FGF16: variants seen among roughly 807,000 people sequenced by gnomAD.
The protein encoded by FGF16 is fibroblast growth factor 16.
FGF16 carries 2 observed loss-of-function variants against 8.5 expected under a neutral mutation model. The ratio of observed to expected loss-of-function variants is 0.24; its 90% CI spans 0.10 to 0.75. The LOEUF (loss-of-function observed/expected upper bound fraction) is 0.75, where lower values mean the gene tolerates loss of function less well. Among genes scored for constraint, FGF16 ranks in the 30% least tolerant of loss-of-function variants. The pLI, the probability that FGF16 is intolerant of heterozygous loss-of-function variation, is 0.74. For missense variants in FGF16, 79 were observed against 87.4 expected (o/e 0.90, Z 0.38); for synonymous variants, 33 against 34.6 (o/e 0.95, Z 0.16).
intron 1 of FGF16, among the ~76,000 whole-genome samples, chrX:77,448,821 G>C (rs2062548659): frequency 9.0e-6 from 1 of 111,677 alleles, no homozygotes; most frequent in Non-Finnish European, 1.9e-5. Flanking sequence ...AAATGTGTTC[G>C]CTCCTCGGTA....
intron 1 of FGF16, among the ~76,000 whole-genome samples, chrX:77,451,942 G>C (rs1470853837): frequency 8.9e-6 from 1 of 111,960 alleles, no homozygotes; most frequent in Non-Finnish European, 1.9e-5. Flanking sequence ...GGGCAGATGG[G>C]AGCAGGGTAT....
Position 77,456,547 on chromosome X carries a change from A to G in FGF16, c.*25A>G. The G allele has an allele frequency of 8.4e-7, 1 of 1,192,060 alleles. No individual in the cohort carries two copies. The highest frequency in any genetic ancestry group is 3.0e-5 in the East Asian group (1 of 33,678). On this transcript the variant is annotated 3_prime_UTR_variant, in exon 3 of 3. Transcript: ENST00000439435. Reference sequence around the variant, plus strand: ...ATGAACCTCTGGTGTGCCCTCTGTGACCCATGTACCCTGGGGCCACGGTTG... The same window carrying G: ...ATGAACCTCTGGTGTGCCCTCTGTGGCCCATGTACCCTGGGGCCACGGTTG...
chrX:77,448,124 C>G (rs2062546482), intron 1 of FGF16, among the ~76,000 whole-genome samples, 176 bp downstream of exon 1: 1 of 113,532 alleles, frequency 8.8e-6, no homozygotes, highest in South Asian at 3.5e-4. Context: ...GCCCTGCACC[C>G]TCGGACACTT....
rs782761047 is a variant in FGF16, at chrX:77,456,683, G to T, written c.*161G>T. 5 of 496,346 alleles carry T rather than the reference G, an allele frequency of 1.0e-5. No homozygotes were observed. The highest frequency in any genetic ancestry group is 2.4e-5 in the African/African-American group (1 of 41,762). The allele number at this position is 496,346 out of a possible 1,213,427, so 40.9% of individuals were successfully genotyped here. On this transcript the variant is annotated 3_prime_UTR_variant, in exon 3 of 3. Transcript: ENST00000439435. ...CCCAGCTGTTCCCTTGTTGTTCAAA[G>T]TGTATATCAAGGTTGGGTTATTTTG...
At chrX:77,454,511 C>T (rs1320696971) in intron 2 of FGF16, among the ~76,000 whole-genome samples, 3 of 104,828 alleles carry the variant, frequency 2.9e-5, no homozygotes, top group East Asian at 3.1e-4. Context: ...AAAAATTAGC[C>T]GGGCATGCTG....
chrX:77,454,371 C>A, intron 2 of FGF16, 111 bp downstream of exon 2: 2 of 444,597 alleles, frequency 4.5e-6, no homozygotes, highest in South Asian at 4.2e-5. Flanking sequence ...TATCTGGGGA[C>A]CAGGCATGGT....
intron 1 of FGF16, among the ~76,000 whole-genome samples, chrX:77,453,804 AT>A (rs1165818437): frequency 8.9e-6 from 1 of 111,959 alleles, no homozygotes; most frequent in African/African-American, 3.3e-5. Context: ...TCCTTCTTGC[AT>A]TTAGAAAACT....
At chrX:77,454,281 T>G (rs1557026895) in intron 2 of FGF16, 21 bp downstream of exon 2, 3 of 771,024 alleles carry the variant, frequency 3.9e-6, no homozygotes, top group African/African-American at 5.0e-5. Flanking sequence ...GGTTTTTTTT[T>G]TTTTTTTTTT....
chrX:77,455,755 C>T (rs1280907178), intron 2 of FGF16, among the ~76,000 whole-genome samples: 3 of 111,792 alleles, frequency 2.7e-5, no homozygotes, highest in Non-Finnish European at 5.6e-5. Context: ...CCTGAAGTAG[C>T]CAGATTGGAA....
chrX:77,447,686 G>T lies in FGF16; in HGVS notation c.12G>T (p.Val4=). The T allele has an allele frequency of 6.7e-6, 2 of 297,256 alleles. No homozygotes were observed. Among genetic ancestry groups the T allele is most frequent in the East Asian group, 4.8e-5 (1 of 21,026 alleles). The allele number at this position is 297,256 out of a possible 1,213,427, so 24.5% of individuals were successfully genotyped here. A position where few individuals can be genotyped will look rare whatever the true frequency, so the allele number is the denominator to read the frequency against. MAE[V]GGVFASLDWD... ...CAATCGGCCCAGCCATGGCAGAGGT[G>T]GGGGGCGTCTTCGCCTCCTTGGACT... The change falls in exon 1 of 3, where the codon GTG becomes GTT. Residue 4 remains valine (V), a synonymous_variant. Coordinates refer to ENST00000439435, the MANE Select transcript of FGF16 (RefSeq NM_003868.3).
At chrX:77,455,258 C>T (rs1325895448) in intron 2 of FGF16, among the ~76,000 whole-genome samples, 1 of 111,829 alleles carries the variant, frequency 8.9e-6, no homozygotes, top group Non-Finnish European at 1.9e-5. Flanking sequence ...GAATGTGTAC[C>T]CAGAGGAGTA....
chrX:77,447,454 A>T lies in FGF16; in HGVS notation c.-221A>T, dbSNP rs1208626320. 3.7e-6 allele frequency: 1 copy of T among 268,425 alleles called. No individual in the cohort carries two copies. The highest frequency in any genetic ancestry group is 6.5e-6 in the Non-Finnish European group (1 of 152,726). The allele number at this position is 268,425 out of a possible 1,213,427, so 22.1% of individuals were successfully genotyped here. On this transcript the variant is annotated 5_prime_UTR_variant, in exon 1 of 3. Coordinates refer to ENST00000439435, the MANE Select transcript of FGF16 (RefSeq NM_003868.3). ...GAGGGGAAGAGGCACTTTGACTGAG[A>T]GCAAGGTCAGGAGCACGCTGCCCCG...
Position 77,456,385 on chromosome X carries a change from G to A in FGF16, c.487G>A (p.Val163Met), listed in dbSNP as rs782731399. 5.0e-6 allele frequency: 6 copies of A among 1,210,617 alleles called. No homozygotes were observed. Among genetic ancestry groups the A allele is most frequent in the South Asian group, 1.8e-5 (1 of 56,946 alleles). ...KHSDSERQYY[V>M]ALNKDGSPRE... ...TTCGGACTCAGAGAGACAGTATTACGTGGCCCTGAACAAAGATGGCTCACC... is the reference window on the plus strand; with the variant it reads ...TTCGGACTCAGAGAGACAGTATTACATGGCCCTGAACAAAGATGGCTCACC... The change falls in exon 3 of 3, where the codon GTG (valine) becomes ATG (methionine). Residue 163 changes from valine to methionine, a missense_variant. By Grantham distance (21) the Val-to-Met change is conservative. Coordinates refer to ENST00000439435, the MANE Select transcript of FGF16 (RefSeq NM_003868.3).
intron 1 of FGF16, among the ~76,000 whole-genome samples, chrX:77,452,361 A>G (rs2062559621): frequency 8.9e-6 from 1 of 112,697 alleles, no homozygotes; most frequent in Admixed American, 9.3e-5. Flanking sequence ...GTTGCATTAA[A>G]TCAGTGTCTG....
At chrX:77,449,093 CCATGCCTTGCTAGAGCTG>C (rs1281185222) in intron 1 of FGF16, among the ~76,000 whole-genome samples, 2 of 111,660 alleles carry the variant, frequency 1.8e-5, no homozygotes, top group Non-Finnish European at 3.8e-5. Context: ...CTCCTATTCT[CCATGCCTTGCTAGAGCTG>C]CATCTGGAGT....
intron 1 of FGF16, 86 bp from the exon 2 acceptor site, chrX:77,454,071 A>C (rs2062564975): frequency 9.7e-6 from 6 of 621,133 alleles, no homozygotes; most frequent in Non-Finnish European, 1.6e-5. Flanking sequence ...CCAGTTGGGG[A>C]CAAATGACTG....
chrX:77,452,604 C>A (rs1224410407), intron 1 of FGF16, among the ~76,000 whole-genome samples: 1 of 112,591 alleles, frequency 8.9e-6, no homozygotes, highest in Non-Finnish European at 1.9e-5. Flanking sequence ...TGTGGAAGCA[C>A]ATGCCCCCAA....
At chrX:77,451,588 C>T (rs1228847857) in intron 1 of FGF16, among the ~76,000 whole-genome samples, 1 of 112,221 alleles carries the variant, frequency 8.9e-6, no homozygotes, top group Admixed American at 9.4e-5. Flanking sequence ...TGTGGTCTAA[C>T]CATGGCAGAG....
intron 1 of FGF16, among the ~76,000 whole-genome samples, chrX:77,450,264 T>C (rs1269200929): frequency 8.9e-6 from 1 of 112,099 alleles, no homozygotes; most frequent in Non-Finnish European, 1.9e-5. Context: ...TAGCTATTTG[T>C]TGTAATTGGA....
Sources: allele counts gnomAD v4.1 joint callset (sites outside exome capture counted in the v4.1 genomes callset), GRCh38; gene constraint gnomAD v4.1.1; transcripts MANE v1.5; gene names NCBI Gene and HGNC (gene_info 2026-07-23, HGNC 2026-07-21).